The following PAG1 variants were observed in gnomAD, a reference collection of about 807,000 sequenced individuals.
PAG1 encodes phosphoprotein membrane anchor with glycosphingolipid microdomains 1.
Under a neutral mutation model 31.7 loss-of-function variants are expected in PAG1, and 23 were observed. That is an observed-to-expected ratio of 0.73 (90% confidence interval 0.52 to 1.03). The LOEUF (loss-of-function observed/expected upper bound fraction) is 1.03. Ranked by LOEUF, PAG1 falls within the 50% of genes least tolerant of loss-of-function variation. The pLI is 0.00. For missense variants in PAG1, 473 were observed against 540.7 expected (o/e 0.87, Z 1.24); for synonymous variants, 214 against 210.3 (o/e 1.02, Z -0.15).
At chr8:81,010,306 C>T (rs546954440) in intron 3 of PAG1, among the ~76,000 whole-genome samples, 126 of 152,272 alleles carry the variant, frequency 8.3e-4, no homozygotes, top group Non-Finnish European at 1.3e-3. Context: ...TATCTGAGCT[C>T]ACACAACATA....
At chr8:81,089,562 C>T (rs1042746254) in intron 1 of PAG1, among the ~76,000 whole-genome samples, 1 of 131,330 alleles carries the variant, frequency 7.6e-6, no homozygotes, top group African/African-American at 3.0e-5. Flanking sequence ...AGCGAGACTC[C>T]GTCTCAAAAA....
chr8:81,001,396 T>C (rs1409728697), intron 3 of PAG1, among the ~76,000 whole-genome samples: 1 of 151,940 alleles, frequency 6.6e-6, no homozygotes, highest in Admixed American at 6.6e-5. Context: ...GTGGTAAGAG[T>C]TGGAAGAAAC....
intron 1 of PAG1, among the ~76,000 whole-genome samples, chr8:81,072,663 A>G (rs936177958): frequency 5.3e-5 from 8 of 152,214 alleles, no homozygotes; most frequent in African/African-American, 1.9e-4. Flanking sequence ...ATGTTGTGCC[A>G]CTACACTCCA....
chr8:81,062,488 G>A (rs1019927288), intron 2 of PAG1, among the ~76,000 whole-genome samples: 5 of 152,084 alleles, frequency 3.3e-5, no homozygotes, highest in Admixed American at 6.5e-5. Flanking sequence ...GAATGAAATC[G>A]CAAACCCATT....
chr8:81,006,974 T>C (rs193057185), intron 3 of PAG1, among the ~76,000 whole-genome samples: 65 of 152,286 alleles, frequency 4.3e-4, no homozygotes, highest in South Asian at 3.7e-3. Flanking sequence ...TCCATTTTCT[T>C]TGGAAAGTAG....
In PAG1 at chr8:80,969,252, T is replaced by C. The variant is rs919240114; in HGVS notation, c.*7292A>G. 1 of 152,160 alleles carries C rather than the reference T, an allele frequency of 6.6e-6. No individual in the cohort carries two copies. The highest frequency in any genetic ancestry group is 2.4e-5 in the African/African-American group (1 of 41,434). The allele number at this position is 152,160 out of a possible 1,614,324, so 9.4% of individuals were successfully genotyped here. A position where few individuals can be genotyped will look rare whatever the true frequency, so the allele number is the denominator to read the frequency against. On this transcript the variant is annotated 3_prime_UTR_variant, in exon 9 of 9. Coordinates refer to ENST00000220597, the MANE Select transcript of PAG1 (RefSeq NM_018440.4). Reference sequence around the variant, plus strand: ...AAAGTAAAGTTAAAAAAAGCAAGCATGCTTAAGGGATGGGTCATGAACACC... The same window carrying C: ...AAAGTAAAGTTAAAAAAAGCAAGCACGCTTAAGGGATGGGTCATGAACACC...
chr8:81,025,287 C>G (rs1808256050), intron 3 of PAG1, among the ~76,000 whole-genome samples: 1 of 152,116 alleles, frequency 6.6e-6, no homozygotes, highest in African/African-American at 2.4e-5. Context: ...CAAGAAAATT[C>G]TGAGAAATCC....
chr8:80,991,126 C>CT (rs1807537894), intron 5 of PAG1, among the ~76,000 whole-genome samples: 1 of 152,206 alleles, frequency 6.6e-6, no homozygotes, highest in Non-Finnish European at 1.5e-5. Flanking sequence ...CTAGAACAGA[C>CT]TTTCCCTCAG....
At position 80,968,911 on chromosome 8, in the gene PAG1, A is replaced by T. The variant is rs1807019067; in HGVS notation, c.*7633T>A. ...GAGAGACATGAGAACTGAGACACAC[A>T]GGGGCAGCAAGTCTGAATTTTGCTC... is the stretch of plus-strand genomic sequence containing the variant. On this transcript the variant is annotated 3_prime_UTR_variant, in exon 9 of 9. Coordinates refer to ENST00000220597, the MANE Select transcript of PAG1 (RefSeq NM_018440.4). The T allele has an allele frequency of 6.6e-6, 1 of 152,228 alleles. No homozygotes were observed. Among genetic ancestry groups the T allele is most frequent in the Non-Finnish European group, 1.5e-5 (1 of 68,044 alleles). The allele number at this position is 152,228 out of a possible 1,614,324, so 9.4% of individuals were successfully genotyped here.
intron 2 of PAG1, among the ~76,000 whole-genome samples, chr8:81,051,950 G>A (rs1413266616): frequency 6.6e-6 from 1 of 151,832 alleles, no homozygotes; most frequent in African/African-American, 2.4e-5. Context: ...CTAACACGGT[G>A]AAACCCCGTC....
chr8:80,980,351 G>A (rs1007497459), intron 8 of PAG1, 84 bp downstream of exon 8: 2 of 770,888 alleles, frequency 2.6e-6, no homozygotes, highest in African/African-American at 1.7e-5. Context: ...TCTTTCAAAG[G>A]GTAACATTAC....
At chr8:81,059,274 C>CTTT (rs34306813) in intron 2 of PAG1, among the ~76,000 whole-genome samples, 3 of 146,732 alleles carry the variant, frequency 2.0e-5, no homozygotes, top group Non-Finnish European at 1.5e-5. Context: ...GGCAAACATT[C>CTTT]TTTTTTTTTT....
rs540093297 is a variant in PAG1, at chr8:80,976,939, C to T, written c.937-33G>A. The T allele has an allele frequency of 1.3e-5, 20 of 1,561,060 alleles. No homozygotes were observed. The East Asian group carries it at 4.0e-4, about 32-fold the overall frequency. On this transcript the variant is annotated intron_variant, in intron 8 of 8. Transcript: ENST00000220597. ...ACAAAGGGAGAGTTGAATAAACTTC[C>T]AGCTGTGACTTCCCCCTCCCTCTTT...
At chr8:81,001,052 T>C (rs1807776521) in intron 3 of PAG1, among the ~76,000 whole-genome samples, 1 of 152,242 alleles carries the variant, frequency 6.6e-6, no homozygotes, top group Non-Finnish European at 1.5e-5. Context: ...CTTTCCAACA[T>C]TTTTCATCTG....
At chr8:81,103,198 C>T (rs1809636878) in intron 1 of PAG1, among the ~76,000 whole-genome samples, 1 of 149,444 alleles carries the variant, frequency 6.7e-6, no homozygotes, top group South Asian at 2.1e-4. Flanking sequence ...CTAACTTAAT[C>T]ACATATATTT....
At chr8:81,086,316 A>G (rs187055538) in intron 1 of PAG1, among the ~76,000 whole-genome samples, 13 of 152,210 alleles carry the variant, frequency 8.5e-5, no homozygotes, top group Non-Finnish European at 1.3e-4. Context: ...TTCATAATAG[A>G]ATTTTGCCTT....
At chr8:81,080,467 T>C (rs1474402869) in intron 1 of PAG1, among the ~76,000 whole-genome samples, 2 of 152,172 alleles carry the variant, frequency 1.3e-5, no homozygotes, top group African/African-American at 2.4e-5. Flanking sequence ...TTTCCTCTAC[T>C]GTAAGAAAAA....
At chr8:81,045,987 T>C (rs186781856) in intron 2 of PAG1, among the ~76,000 whole-genome samples, 3 of 152,350 alleles carry the variant, frequency 2.0e-5, no homozygotes, top group African/African-American at 7.2e-5. Flanking sequence ...CTCACAACTT[T>C]CCTTTTGTCT....
chr8:81,035,137 G>A (rs776852432), intron 2 of PAG1, among the ~76,000 whole-genome samples: 6 of 152,094 alleles, frequency 3.9e-5, no homozygotes, highest in African/African-American at 4.8e-5. Flanking sequence ...CAGGAGGGTC[G>A]TCCATTACCA....
Sources: gnomAD v4.1 joint callset for allele counts (sites outside exome capture counted in the v4.1 genomes callset) on GRCh38, gnomAD v4.1.1 for gene constraint, MANE v1.5 for transcripts, NCBI Gene and HGNC (gene_info 2026-07-23, HGNC 2026-07-21) for gene names.